The following CMSS1 variants were observed in gnomAD, a reference collection of about 807,000 sequenced individuals.
The protein encoded by CMSS1 is protein CMSS1.
A neutral mutation model predicts 43.5 loss-of-function variants in CMSS1; 33 were observed. That is an observed-to-expected ratio of 0.76 (90% CI 0.57 to 1.01). CMSS1 has a LOEUF of 1.01. Ranked by LOEUF, CMSS1 falls within the 50% of genes least tolerant of loss-of-function variation. CMSS1 has a pLI of 0.00. For missense variants in CMSS1, 313 were observed against 326.4 expected (o/e 0.96, Z 0.32); for synonymous variants, 115 against 117.2 (o/e 0.98, Z 0.12).
intron 1 of CMSS1, among the ~76,000 whole-genome samples, chr3:100,091,350 T>C (rs1244010890): frequency 1.3e-5 from 2 of 151,756 alleles, no homozygotes; most frequent in East Asian, 1.9e-4. Context: ...TGTATGTGTA[T>C]GTATGTTCAC....
At chr3:99,891,824 A>G (rs1442916713) in intron 1 of CMSS1, among the ~76,000 whole-genome samples, 1 of 152,232 alleles carries the variant, frequency 6.6e-6, no homozygotes, top group Non-Finnish European at 1.5e-5. Context: ...GCCTAATTGT[A>G]TAAACATTGT....
chr3:100,155,774 A>G (rs1373380663), intron 2 of CMSS1, among the ~76,000 whole-genome samples: 1 of 152,206 alleles, frequency 6.6e-6, no homozygotes, highest in Non-Finnish European at 1.5e-5. Context: ...CTGGGTATAA[A>G]AGTTTAATTT....
At chr3:99,952,886 G>T (rs1213295122) in intron 1 of CMSS1, among the ~76,000 whole-genome samples, 1 of 152,062 alleles carries the variant, frequency 6.6e-6, no homozygotes, top group Admixed American at 6.5e-5. Flanking sequence ...ATGAAAAAAA[G>T]AATGCTATAG....
rs2067166075 is a variant in CMSS1 at position 100,178,455 on chromosome 3, C to CAT, written c.*68_*69dup. 6 of 934,438 alleles carry CAT rather than the reference C, an allele frequency of 6.4e-6. No homozygotes were observed. The highest frequency in any genetic ancestry group is 4.0e-5 in the Admixed American group (2 of 50,584). 57.9% of individuals were successfully genotyped at this position (934,438 alleles called of 1,614,324 possible). On this transcript the variant is annotated 3_prime_UTR_variant, in exon 10 of 10. Coordinates refer to ENST00000421999, the MANE Select transcript of CMSS1 (RefSeq NM_032359.4). ...TGCATCTTATTTAATGACTCTGATA[C>CAT]ATTGCAAGCACTCAGTAAATATCAG...
chr3:100,038,599 G>A (rs1359159744), intron 1 of CMSS1, among the ~76,000 whole-genome samples: 1 of 152,146 alleles, frequency 6.6e-6, no homozygotes, highest in Non-Finnish European at 1.5e-5. Context: ...GAAGTAAATA[G>A]GATTATTCAT....
chr3:99,889,513 A>G (rs1310235094), intron 1 of CMSS1, among the ~76,000 whole-genome samples: 3 of 152,190 alleles, frequency 2.0e-5, no homozygotes, highest in Non-Finnish European at 2.9e-5. Context: ...TATAATTGTT[A>G]AAATTGCTTT....
chr3:99,907,351 C>T (rs1706651608), intron 1 of CMSS1, among the ~76,000 whole-genome samples: 1 of 152,028 alleles, frequency 6.6e-6, no homozygotes, highest in South Asian at 2.1e-4. Context: ...GGGTTCATGC[C>T]ATTCTCCTGC....
chr3:99,846,655 C>A (rs895087022), intron 1 of CMSS1, among the ~76,000 whole-genome samples: 1 of 152,182 alleles, frequency 6.6e-6, no homozygotes, highest in East Asian at 1.9e-4. Flanking sequence ...AAGCCCATAG[C>A]GTTGGTGTTG....
chr3:99,849,771 C>T, intron 1 of CMSS1: 2 of 1,613,676 alleles, frequency 1.2e-6, no homozygotes, highest in Non-Finnish European at 1.7e-6. Context: ...GCTTCAGTTT[C>T]AGTCTTTCCA....
intron 1 of CMSS1, among the ~76,000 whole-genome samples, chr3:99,949,112 A>G (rs1457510083): frequency 2.0e-5 from 3 of 152,228 alleles, no homozygotes; most frequent in African/African-American, 7.2e-5. Context: ...GGAATATTTC[A>G]TAAATGTGAA....
intron 1 of CMSS1, among the ~76,000 whole-genome samples, chr3:99,838,613 CT>C (rs1296357721): frequency 6.6e-6 from 1 of 152,146 alleles, no homozygotes; most frequent in Non-Finnish European, 1.5e-5. Context: ...TCAAATTCAA[CT>C]TATAATGAAT....
In CMSS1 at chr3:99,818,053, C is replaced by T. The variant is rs1232228813; in HGVS notation, c.64+10C>T. 7 of 1,613,000 alleles carry T rather than the reference C, an allele frequency of 4.3e-6. No homozygotes were observed. Among genetic ancestry groups the T allele is most frequent in the Non-Finnish European group, 5.9e-6 (7 of 1,179,588 alleles). ...GCAGGCAGCAGCCCAGGTACCCACT[C>T]TGTGCCCGCGCTCCTACGGGGCCTC... On this transcript the variant is annotated intron_variant, in intron 1 of 9. Coordinates refer to ENST00000421999, the MANE Select transcript of CMSS1 (RefSeq NM_032359.4).
At chr3:100,054,713 A>G (rs1241407058) in intron 1 of CMSS1, among the ~76,000 whole-genome samples, 1 of 152,068 alleles carries the variant, frequency 6.6e-6, no homozygotes, top group Non-Finnish European at 1.5e-5. Context: ...TCTGGGCTGC[A>G]CTGTCTTTTA....
At chr3:100,106,694 C>G (rs1171237705) in intron 1 of CMSS1, among the ~76,000 whole-genome samples, 1 of 152,182 alleles carries the variant, frequency 6.6e-6, no homozygotes. Flanking sequence ...CACCTTCCTG[C>G]TGTAAATGTA....
intron 1 of CMSS1, among the ~76,000 whole-genome samples, chr3:99,976,807 A>G (rs1026688354): frequency 7.9e-5 from 12 of 152,026 alleles, no homozygotes; most frequent in African/African-American, 2.4e-4. Context: ...TTTTTAGAAG[A>G]TGTTTGACCA....
rs1553702701 is a variant in CMSS1 at position 99,983,389 on chromosome 3, A to AATATGTAT, written c.65-163580_65-163579insGTATATAT. Among the ~76,000 whole-genome samples, 48 of 40,794 alleles carry AATATGTAT rather than the reference A, an allele frequency of 1.2e-3. 3 individuals carry two copies. Among genetic ancestry groups the AATATGTAT allele is most frequent in the Non-Finnish European group, 1.4e-3 (31 of 22,286 alleles). The allele number at this position is 40,794 out of a possible 152,430, so 26.8% of individuals were successfully genotyped here. A position where few individuals can be genotyped will look rare whatever the true frequency, so the allele number is the denominator to read the frequency against. On this transcript the variant is annotated intron_variant, in intron 1 of 9. Transcript: ENST00000421999. ...TCTCTACTTAAAAAATAAATAAATAAATATATATATATATATATATATATA... is the reference window on the plus strand; with the variant it reads ...TCTCTACTTAAAAAATAAATAAATAAATATGTATATATATATATATATATATATATATA...
chr3:100,039,405 T>C (rs1180135660), intron 1 of CMSS1, among the ~76,000 whole-genome samples: 1 of 152,190 alleles, frequency 6.6e-6, no homozygotes, highest in Non-Finnish European at 1.5e-5. Flanking sequence ...GTATGTAGTA[T>C]AAAGATTTCA....
chr3:100,084,357 T>C (rs1451535553), intron 1 of CMSS1, among the ~76,000 whole-genome samples: 2 of 152,216 alleles, frequency 1.3e-5, no homozygotes, highest in South Asian at 2.1e-4. Context: ...TTTATAAGCT[T>C]AGGTCCATCA....
intron 1 of CMSS1, among the ~76,000 whole-genome samples, chr3:100,145,188 C>T (rs542804622): frequency 6.8e-4 from 103 of 152,150 alleles, no homozygotes; most frequent in African/African-American, 2.4e-3. Flanking sequence ...TGCCTGTAAT[C>T]CCAGCACTTT....
Sources: gnomAD v4.1 joint callset for allele counts (sites outside exome capture counted in the v4.1 genomes callset) on GRCh38, gnomAD v4.1.1 for gene constraint, MANE v1.5 for transcripts, NCBI Gene and HGNC (gene_info 2026-07-23, HGNC 2026-07-21) for gene names.